Variants in TOP2B observed in about 807,000 individuals in gnomAD.
TOP2B encodes DNA topoisomerase II beta.
A neutral mutation model predicts 193.5 loss-of-function variants in TOP2B; 51 were observed. The observed-to-expected ratio is 0.26, with a 90% confidence interval of 0.21 to 0.33. The LOEUF is 0.33. Among genes scored for constraint, TOP2B ranks in the 10% least tolerant of loss-of-function variants. The probability of loss-of-function intolerance (pLI) is 1.00; values close to 1 mark genes in which losing one functional copy is unlikely to be tolerated. For synonymous variants in TOP2B, 634 were observed against 635.7 expected (o/e 1.00, Z 0.04); for missense variants, 1,378 against 1,909.3 (o/e 0.72, Z 5.19).
chr3:25,656,114 T>C (rs896438028), intron 1 of TOP2B, among the ~76,000 whole-genome samples: 10 of 152,210 alleles, frequency 6.6e-5, no homozygotes, highest in Admixed American at 3.3e-4. Flanking sequence ...ATAGAAATAC[T>C]GTAAAATAAG....
chr3:25,636,851 A>G (rs1703119915), intron 6 of TOP2B, among the ~76,000 whole-genome samples: 1 of 152,058 alleles, frequency 6.6e-6, no homozygotes, highest in African/African-American at 2.4e-5. Context: ...ATAGACCTTC[A>G]AGAATAAAAT....
intron 25 of TOP2B, among the ~76,000 whole-genome samples, chr3:25,617,434 A>G (rs991880493): frequency 2.0e-5 from 3 of 152,194 alleles, no homozygotes; most frequent in African/African-American, 7.2e-5. Context: ...GCTATTCTAT[A>G]TAACTTAGTC....
chr3:25,648,964 TA>T (rs1353236128), intron 1 of TOP2B, among the ~76,000 whole-genome samples: 1 of 152,122 alleles, frequency 6.6e-6, no homozygotes, highest in Admixed American at 6.5e-5. Context: ...CTTAATGAAA[TA>T]AATGAGTACA....
Position 25,638,171 on chromosome 3 carries a change from CT to C in TOP2B, c.534del (p.Val179LeufsTer22). On this transcript the variant is annotated frameshift_variant, in exon 5 of 36. Transcript: ENST00000264331. LOFTEE classifies it high-confidence loss of function. ...TSSNYDDDEK[K>X]VTGGRNGYGA... ...AATTCCATTCAGACTTTACCTGTAA[CT>C]TTTTTCTCATCATCATCATAGTTAC... 2 of 1,567,964 alleles carry C rather than the reference CT, an allele frequency of 1.3e-6. No homozygotes were observed. Among genetic ancestry groups the C allele is most frequent in the East Asian group, 2.3e-5 (1 of 43,364 alleles).
At chr3:25,617,763 C>T (rs1273260341) in intron 25 of TOP2B, among the ~76,000 whole-genome samples, 1 of 152,192 alleles carries the variant, frequency 6.6e-6, no homozygotes, top group African/African-American at 2.4e-5. Flanking sequence ...TTTAGTTATA[C>T]AAAACATCAA....
intron 27 of TOP2B, among the ~76,000 whole-genome samples, chr3:25,613,235 C>A (rs1363509919): frequency 6.6e-6 from 1 of 151,994 alleles, no homozygotes; most frequent in Non-Finnish European, 1.5e-5. Flanking sequence ...AGGATATAAT[C>A]ATGATTAATA....
At chr3:25,640,607 T>C (rs749450655) in intron 4 of TOP2B, among the ~76,000 whole-genome samples, 9 of 152,140 alleles carry the variant, frequency 5.9e-5, no homozygotes, top group African/African-American at 1.4e-4. Context: ...AAACAGAGTA[T>C]AAAATGAAGT....
At chr3:25,620,104 T>A (rs759204133) in intron 22 of TOP2B, 42 bp from the exon 23 acceptor site, 22 of 1,208,534 alleles carry the variant, frequency 1.8e-5, no homozygotes, top group Non-Finnish European at 2.6e-5. Context: ...CATGACACAC[T>A]CTCATGTTCT....
intron 1 of TOP2B, among the ~76,000 whole-genome samples, chr3:25,657,311 C>T (rs555412716): frequency 6.6e-6 from 1 of 152,248 alleles, no homozygotes; most frequent in Non-Finnish European, 1.5e-5. Flanking sequence ...ATATGATGAT[C>T]CCATCCCTAG....
At chr3:25,610,337 A>G (rs947734593) in intron 28 of TOP2B, among the ~76,000 whole-genome samples, 1 of 152,206 alleles carries the variant, frequency 6.6e-6, no homozygotes, top group Non-Finnish European at 1.5e-5. Flanking sequence ...GAGTCATTAC[A>G]ATACAAATAA....
intron 27 of TOP2B, 22 bp from the exon 28 acceptor site, chr3:25,612,731 G>A (rs1429188623): frequency 1.3e-6 from 2 of 1,588,530 alleles, no homozygotes; most frequent in African/African-American, 1.3e-5. Flanking sequence ...TCATAAGGCA[G>A]AAGGAACATA....
intron 27 of TOP2B, among the ~76,000 whole-genome samples, chr3:25,614,300 A>G (rs1259856287): frequency 6.7e-6 from 1 of 149,132 alleles, no homozygotes; most frequent in Non-Finnish European, 1.5e-5. Context: ...ATATCAGGAT[A>G]TCAATAATAT....
Position 25,609,569 on chromosome 3 carries a change from A to G in TOP2B, c.3930T>C (p.Pro1310=), listed in dbSNP as rs1175362824. 2.5e-6 allele frequency: 4 copies of G among 1,606,280 alleles called. No individual in the cohort carries two copies. The African/African-American group carries it at 4.0e-5, about 16-fold the overall frequency. Residue 1310 remains proline (P), a splice_region_variant and synonymous_variant, in exon 29 of 36, where the codon CCT becomes CCC. Transcript: ENST00000264331. Reference sequence around the variant, plus strand: ...TGCAAAACTATAATCATTTCTCACCAGGCTCCTTCTTCTCCCTCTTAGGTT... The same window carrying G: ...TGCAAAACTATAATCATTTCTCACCGGGCTCCTTCTTCTCCCTCTTAGGTT... ...GPKPKREKKE[P]GTRVRKTPTS...
intron 8 of TOP2B, 119 bp downstream of exon 8, chr3:25,633,722 T>C (rs1304328693): frequency 4.9e-6 from 4 of 811,100 alleles, no homozygotes; most frequent in Non-Finnish European, 5.4e-6. Context: ...AAGTCAATTC[T>C]TATTTAACAA....
At chr3:25,634,132 G>T (rs1339121084) in intron 7 of TOP2B, 118 bp from the exon 8 acceptor site, 7 of 722,056 alleles carry the variant, frequency 9.7e-6, no homozygotes, top group African/African-American at 9.1e-5. Context: ...TAAGTGCACC[G>T]ATCCAAACCT....
chr3:25,650,850 T>C (rs760666440), intron 1 of TOP2B, among the ~76,000 whole-genome samples: 60 of 152,216 alleles, frequency 3.9e-4, no homozygotes, highest in Non-Finnish European at 5.6e-4. Context: ...TGTAAACATA[T>C]TGTAAATCAA....
At chr3:25,637,149 TCTA>T (rs1703126958) in intron 6 of TOP2B, 63 bp downstream of exon 6, 3 of 1,262,166 alleles carry the variant, frequency 2.4e-6, no homozygotes, top group Non-Finnish European at 3.3e-6. Flanking sequence ...TACCCAAGGT[TCTA>T]CTATCTCGGC....
In TOP2B at chr3:25,627,264, C is replaced by G. The variant is rs1028363501; in HGVS notation, c.1939G>C (p.Glu647Gln). The change falls in exon 16 of 36, where the codon GAA becomes CAA. Residue 647 changes from glutamate (E) to glutamine (Q), a missense_variant. By Grantham distance (29) the Glu-to-Gln change is conservative. This residue lies in a region of TOP2B where 379 missense variants were observed against 615.1 expected (regional missense o/e 0.62). Coordinates refer to ENST00000264331, the MANE Select transcript of TOP2B (RefSeq NM_001330700.2). ...LGTSTAKEAKEYFADMERHRI... is the reference protein window; with the variant it reads ...LGTSTAKEAKQYFADMERHRI... ...TGCCTTTCCATATCAGCAAAATATT[C>G]CTTTGCTTCTTTAGCTGTACTAGTA... The G allele has an allele frequency of 3.1e-6, 5 of 1,608,814 alleles. No homozygotes were observed. The highest frequency in any genetic ancestry group is 3.4e-6 in the Non-Finnish European group (4 of 1,177,900).
At chr3:25,636,899 A>G (rs188151205) in intron 6 of TOP2B, among the ~76,000 whole-genome samples, 3 of 152,210 alleles carry the variant, frequency 2.0e-5, no homozygotes, top group Admixed American at 1.3e-4. Flanking sequence ...TCATTGAGGA[A>G]TTTTTCAAAC....
Sources: gnomAD v4.1 joint callset for allele counts (sites outside exome capture counted in the v4.1 genomes callset) on GRCh38, gnomAD v4.1.1 for gene constraint, gnomAD v4.1.1 regional missense constraint, MANE v1.5 for transcripts, NCBI Gene and HGNC (gene_info 2026-07-23, HGNC 2026-07-21) for gene names.